The following ASPH variants were observed in gnomAD, a reference collection of about 807,000 sequenced individuals.
ASPH encodes aspartyl/asparaginyl beta-hydroxylase.
In ASPH, 100 loss-of-function variants were observed where a neutral mutation model predicts 118.4. That is an observed-to-expected ratio of 0.84 (90% CI 0.72 to 1.00). The LOEUF (loss-of-function observed/expected upper bound fraction) is 1.00. Among genes scored for constraint, ASPH ranks in the 50% least tolerant of loss-of-function variants. The pLI, the probability that ASPH is intolerant of heterozygous loss-of-function variation, is 0.00. For synonymous variants in ASPH, 315 were observed against 325.6 expected (o/e 0.97, Z 0.35); for missense variants, 920 against 919.5 (o/e 1.00, Z -0.01).
chr8:61,684,242 T>A, intron 1 of ASPH, 54 bp from the exon 2 acceptor site: 2 of 1,514,548 alleles, frequency 1.3e-6, no homozygotes, highest in South Asian at 1.3e-5. Flanking sequence ...TACTGAACAC[T>A]TATTCTCACA....
chr8:61,686,750 T>C (rs906865738), intron 1 of ASPH, among the ~76,000 whole-genome samples: 9 of 152,166 alleles, frequency 5.9e-5, no homozygotes, highest in Non-Finnish European at 7.4e-5. Context: ...AAGAATCAAA[T>C]TGAATTTTTT....
intron 13 of ASPH, among the ~76,000 whole-genome samples, chr8:61,621,395 T>C (rs1850891636): frequency 1.3e-5 from 2 of 152,052 alleles, no homozygotes; most frequent in East Asian, 1.9e-4. Flanking sequence ...CTACAAGTTT[T>C]ATTGCTTAAA....
At chr8:61,668,149 C>T (rs966753393) in intron 3 of ASPH, 7 of 1,326,014 alleles carry the variant, frequency 5.3e-6, no homozygotes, top group African/African-American at 2.9e-5. Context: ...GCATTAGTAG[C>T]AATATTAACA....
At chr8:61,635,900 A>G (rs1313580417) in intron 12 of ASPH, among the ~76,000 whole-genome samples, 1 of 152,162 alleles carries the variant, frequency 6.6e-6, no homozygotes, top group Non-Finnish European at 1.5e-5. Flanking sequence ...AATCTAGTGA[A>G]AGTAATTCAC....
chr8:61,596,233 AG>A (rs1488110230), intron 14 of ASPH, among the ~76,000 whole-genome samples: 1 of 152,124 alleles, frequency 6.6e-6, no homozygotes, highest in African/African-American at 2.4e-5. Flanking sequence ...CATGCCTTCC[AG>A]GGGCCTGAGG....
rs73682341 is a variant in ASPH, at chr8:61,672,639, G to A, written c.322+8329C>T. 2.7e-3 allele frequency among the ~76,000 whole-genome samples: 405 copies of A among 152,132 alleles called. 4 individuals carry two copies. Among genetic ancestry groups the A allele is most frequent in the Middle Eastern group, 0.01 (3 of 294 alleles). The stretch of plus-strand genomic sequence containing the variant: ...TAATGAATATCACATGCAAGGCTTA[G>A]CATTGAAGGAGAATTCAAATAAAAC... On this transcript the variant is annotated intron_variant, in intron 3 of 24. Coordinates refer to ENST00000379454, the MANE Select transcript of ASPH (RefSeq NM_004318.4).
chr8:61,559,453 T>C (rs1829019134), intron 18 of ASPH, among the ~76,000 whole-genome samples: 4 of 151,956 alleles, frequency 2.6e-5, no homozygotes, highest in Non-Finnish European at 4.4e-5. Flanking sequence ...GTCTCTCTCT[T>C]TCTCTCTCTC....
chr8:61,689,595 C>A (rs886427806), intron 1 of ASPH: 1 of 1,393,890 alleles, frequency 7.2e-7, no homozygotes, highest in Non-Finnish European at 9.9e-7. Flanking sequence ...AATATTTTAA[C>A]AGAGCACCAC....
intron 17 of ASPH, among the ~76,000 whole-genome samples, chr8:61,564,861 C>T (rs1432781982): frequency 6.6e-6 from 1 of 152,214 alleles, no homozygotes; most frequent in Non-Finnish European, 1.5e-5. Flanking sequence ...GGCCTTGACT[C>T]TAATCTATAG....
At chr8:61,685,992 C>T (rs1830371288) in intron 1 of ASPH, among the ~76,000 whole-genome samples, 1 of 152,118 alleles carries the variant, frequency 6.6e-6, no homozygotes, top group Non-Finnish European at 1.5e-5. Flanking sequence ...TGGTCTTGAA[C>T]TCCTGACCTC....
intron 13 of ASPH, among the ~76,000 whole-genome samples, chr8:61,622,616 C>G (rs1851374104): frequency 6.6e-6 from 1 of 152,218 alleles, no homozygotes; most frequent in Non-Finnish European, 1.5e-5. Context: ...TTAGCTCATG[C>G]TGTATCACCA....
At chr8:61,697,214 G>C (rs1199010457) in intron 1 of ASPH, among the ~76,000 whole-genome samples, 1 of 152,188 alleles carries the variant, frequency 6.6e-6, no homozygotes, top group East Asian at 1.9e-4. Flanking sequence ...TCAAAAAACA[G>C]TTGATACAAT....
chr8:61,579,801 T>G lies in ASPH; in HGVS notation c.1063-2943A>C, dbSNP rs1836818268. On this transcript the variant is annotated intron_variant, in intron 15 of 24. Coordinates refer to ENST00000379454, the MANE Select transcript of ASPH (RefSeq NM_004318.4). Reference sequence around the variant, plus strand: ...GCTCAGCCCTAGCCCTCAGCCCACCTGGGGAGTTTACTACCTGGGGACCCC... The same window carrying G: ...GCTCAGCCCTAGCCCTCAGCCCACCGGGGGAGTTTACTACCTGGGGACCCC... The G allele has an allele frequency of 7.0e-6, 5 of 718,790 alleles. No homozygotes were observed. The East Asian group carries it at 7.9e-5, about 11-fold the overall frequency. The allele number at this position is 718,790 out of a possible 1,614,324, so 44.5% of individuals were successfully genotyped here.
At chr8:61,685,926 G>A (rs1830334524) in intron 1 of ASPH, among the ~76,000 whole-genome samples, 2 of 151,724 alleles carry the variant, frequency 1.3e-5, no homozygotes, top group Non-Finnish European at 2.9e-5. Flanking sequence ...CTGCCACCAC[G>A]CCTGGCTAAT....
rs1197560983 is a variant in ASPH at position 61,642,913 on chromosome 8, T to C, written c.765A>G (p.Val255=). 1.9e-6 allele frequency: 3 copies of C among 1,558,160 alleles called. No homozygotes were observed. The highest frequency in any genetic ancestry group is 2.6e-6 in the Non-Finnish European group (3 of 1,162,114). The change falls in exon 10 of 25, where the codon GTA becomes GTG. Residue 255 remains valine, a synonymous_variant. Coordinates refer to ENST00000379454, the MANE Select transcript of ASPH (RefSeq NM_004318.4). Reference sequence around the variant, plus strand: ...CTTGTTCCTCATAGACTTGGTATGTTACATCATCTGAAAAAAAAAAGAGAA... The same window carrying C: ...CTTGTTCCTCATAGACTTGGTATGTCACATCATCTGAAAAAAAAAAGAGAA... ...DERLHHDTDD[V]TYQVYEEQAV... is the part of the protein sequence containing the mutation.
intron 7 of ASPH, 84 bp downstream of exon 7, chr8:61,644,513 CATT>C (rs772998816): frequency 8.2e-6 from 7 of 854,218 alleles, no homozygotes; most frequent in South Asian, 3.2e-5. Flanking sequence ...TTAAATATAT[CATT>C]AATAATAGAT....
chr8:61,572,592 GT>G (rs1833782107), intron 16 of ASPH, among the ~76,000 whole-genome samples: 1 of 152,172 alleles, frequency 6.6e-6, no homozygotes, highest in Non-Finnish European at 1.5e-5. Flanking sequence ...TTCCTCTGAT[GT>G]TTTTACATCT....
chr8:61,590,185 AG>A (rs1840672866), intron 14 of ASPH, among the ~76,000 whole-genome samples: 1 of 152,132 alleles, frequency 6.6e-6, no homozygotes, highest in Admixed American at 6.5e-5. Flanking sequence ...CTGAAGGTGT[AG>A]ATATTGCTCA....
rs1836966740 is a variant in ASPH, at chr8:61,707,445, T to C, written c.103+6824A>G. On this transcript the variant is annotated intron_variant, in intron 1 of 24. Transcript: ENST00000379454. ...GCAAATATTAAACTTCACCAAATGT[T>C]GACAATGTGATGATGGCACAGAACA... Among the ~76,000 whole-genome samples the C allele has an allele frequency of 2.6e-5, 4 of 152,282 alleles. No individual in the cohort carries two copies. In the South Asian group the frequency reaches 8.3e-4, roughly 32 times the overall value.
Sources: gnomAD v4.1 joint callset for allele counts (sites outside exome capture counted in the v4.1 genomes callset) on GRCh38, gnomAD v4.1.1 for gene constraint, MANE v1.5 for transcripts, NCBI Gene and HGNC (gene_info 2026-07-23, HGNC 2026-07-21) for gene names.